The following KCNIP4 variants were observed in gnomAD, a reference collection of about 807,000 sequenced individuals.
The protein encoded by KCNIP4 is potassium voltage-gated channel interacting protein 4, also known as Kv channel-interacting protein 4.
In KCNIP4, 12 loss-of-function variants were observed where a neutral mutation model predicts 34.0. The ratio of observed to expected loss-of-function variants is 0.35; its 90% CI spans 0.23 to 0.57. KCNIP4 has a LOEUF of 0.57. Among genes scored for constraint, KCNIP4 ranks in the 20% least tolerant of loss-of-function variants. The probability of loss-of-function intolerance (pLI) is 0.83; values close to 1 mark genes in which losing one functional copy is unlikely to be tolerated. For synonymous variants in KCNIP4, 124 were observed against 102.2 expected, an observed-to-expected ratio of 1.21 and a Z score of -1.29; for missense variants, 238 against 311.7, an observed-to-expected ratio of 0.76 and a Z score of 1.78.
chr4:21,789,011 T>C (rs952599385), intron 1 of KCNIP4, among the ~76,000 whole-genome samples: 19 of 140,788 alleles, frequency 1.3e-4, no homozygotes, highest in African/African-American at 4.7e-4. Flanking sequence ...AGGCAGAGGC[T>C]GCAATGAGCT....
chr4:21,738,822 T>C (rs2109124762), intron 1 of KCNIP4, among the ~76,000 whole-genome samples: 1 of 152,290 alleles, frequency 6.6e-6, no homozygotes, highest in East Asian at 1.9e-4. Flanking sequence ...CTTATTTGAG[T>C]TATTATTCTG....
chr4:21,446,668 T>G (rs1728025229), intron 1 of KCNIP4, among the ~76,000 whole-genome samples: 1 of 150,958 alleles, frequency 6.6e-6, no homozygotes, highest in African/African-American at 2.4e-5. Context: ...GAGATGTACC[T>G]AATGTTAATG....
intron 4 of KCNIP4, among the ~76,000 whole-genome samples, chr4:20,757,997 A>T (rs1469390038): frequency 6.6e-6 from 1 of 152,124 alleles, no homozygotes; most frequent in Non-Finnish European, 1.5e-5. Context: ...TGAGTTTGAC[A>T]TTGTCCATCT....
intron 3 of KCNIP4, among the ~76,000 whole-genome samples, chr4:20,824,168 C>G (rs1400374022): frequency 2.0e-5 from 3 of 152,266 alleles, no homozygotes; most frequent in Non-Finnish European, 2.9e-5. Flanking sequence ...GCCTAAGTGT[C>G]TAGCACAAAG....
In KCNIP4 at chr4:21,058,233, C is replaced by T. The variant is rs1743597411; in HGVS notation, c.62-175524G>A. Among the ~76,000 whole-genome samples, 3 of 151,988 alleles carry T rather than the reference C, an allele frequency of 2.0e-5. No individual in the cohort carries two copies. In the South Asian group the frequency reaches 6.2e-4, roughly 32 times the overall value. ...CCAATGAGGAAATATACCTTGGGGG[C>T]ATATATGGTGAGTCCAAAGATTGGT... On this transcript the variant is annotated intron_variant, in intron 1 of 8. Transcript: ENST00000382152.
chr4:21,025,543 GTTTTTTTTT>G (rs772689134), intron 1 of KCNIP4, among the ~76,000 whole-genome samples: 19 of 34,784 alleles, frequency 5.5e-4, no homozygotes, highest in African/African-American at 1.6e-3. Flanking sequence ...CATTGATACT[GTTTTTTTTT>G]TTTTTTTTTT....
intron 1 of KCNIP4, among the ~76,000 whole-genome samples, chr4:21,225,628 C>T (rs1758321851): frequency 6.6e-6 from 1 of 152,124 alleles, no homozygotes; most frequent in South Asian, 2.1e-4. Flanking sequence ...AATGATGACA[C>T]TCCTCTTATA....
intron 1 of KCNIP4, among the ~76,000 whole-genome samples, chr4:21,367,637 A>G (rs1367722345): frequency 6.8e-6 from 1 of 147,582 alleles, no homozygotes; most frequent in Non-Finnish European, 1.5e-5. Flanking sequence ...ATTTCACCCA[A>G]CCCATGCAAC....
chr4:21,553,422 C>A (rs539051270), intron 1 of KCNIP4, among the ~76,000 whole-genome samples: 2 of 152,218 alleles, frequency 1.3e-5, no homozygotes, highest in South Asian at 4.1e-4. Context: ...AGGTCCACTT[C>A]TTTTTTCTAC....
Position 21,773,752 on chromosome 4 carries a change from T to TGTTTTG in KCNIP4, c.61+174818_61+174819insCAAAAC, listed in dbSNP as rs373135486. 6.9e-3 allele frequency among the ~76,000 whole-genome samples: 948 copies of TGTTTTG among 137,434 alleles called. 19 individuals carry two copies. Among genetic ancestry groups the TGTTTTG allele is most frequent in the African/African-American group, 0.03 (868 of 29,344 alleles). 90.2% of individuals were successfully genotyped at this position (137,434 alleles called of 152,430 possible). A position where few individuals can be genotyped will look rare whatever the true frequency, so the allele number is the denominator to read the frequency against. On this transcript the variant is annotated intron_variant, in intron 1 of 8. Coordinates refer to ENST00000382152, the MANE Select transcript of KCNIP4 (RefSeq NM_025221.6). The stretch of plus-strand genomic sequence containing the variant: ...CCCCTGTTTTTTTTTGTTGTTTTTT[T>TGTTTTG]TTTTTTGTTTGTTTGTTTTTGTTTT...
At chr4:21,724,586 C>G (rs1461207985) in intron 1 of KCNIP4, among the ~76,000 whole-genome samples, 1 of 150,260 alleles carries the variant, frequency 6.7e-6, no homozygotes, top group Non-Finnish European at 1.5e-5. Flanking sequence ...TTTTTTTAAC[C>G]TCTTCAGTAT....
At chr4:21,689,785 G>A (rs181555329) in intron 1 of KCNIP4, among the ~76,000 whole-genome samples, 119 of 152,148 alleles carry the variant, frequency 7.8e-4, no homozygotes, top group Middle Eastern at 3.4e-3. Context: ...GTACTTCTAT[G>A]CCCACCCTGG....
intron 1 of KCNIP4, among the ~76,000 whole-genome samples, chr4:21,767,435 G>C (rs1577961988): frequency 6.6e-6 from 1 of 151,922 alleles, no homozygotes; most frequent in Non-Finnish European, 1.5e-5. Flanking sequence ...CAAGGAGATG[G>C]GGTTAGGAAG....
intron 1 of KCNIP4, among the ~76,000 whole-genome samples, chr4:20,943,699 A>C (rs1731895610): frequency 6.6e-6 from 1 of 152,252 alleles, no homozygotes; most frequent in African/African-American, 2.4e-5. Context: ...TGTCTCTAAT[A>C]GTTTCCTCCA....
intron 1 of KCNIP4, among the ~76,000 whole-genome samples, chr4:21,515,862 T>C (rs1734715930): frequency 6.6e-6 from 1 of 152,166 alleles, no homozygotes; most frequent in South Asian, 2.1e-4. Context: ...TCCTTCAGCC[T>C]TGGACTTCCA....
At chr4:21,691,857 C>T (rs940653258) in intron 1 of KCNIP4, among the ~76,000 whole-genome samples, 10 of 151,972 alleles carry the variant, frequency 6.6e-5, no homozygotes, top group Admixed American at 2.0e-4. Flanking sequence ...CGCCACCATG[C>T]GCAGCTAACT....
intron 1 of KCNIP4, among the ~76,000 whole-genome samples, chr4:21,370,975 G>C (rs1720386460): frequency 1.5e-5 from 2 of 137,424 alleles, no homozygotes; most frequent in African/African-American, 6.5e-5. Context: ...AAATCTTTGA[G>C]CAGTGGAAGG....
At chr4:20,838,234 A>G (rs1344704772) in intron 3 of KCNIP4, among the ~76,000 whole-genome samples, 1 of 152,168 alleles carries the variant, frequency 6.6e-6, no homozygotes, top group African/African-American at 2.4e-5. Flanking sequence ...AAGGGTTCAT[A>G]AGACAGAGTC....
chr4:21,542,099 T>A (rs1210382729), intron 1 of KCNIP4, among the ~76,000 whole-genome samples: 2 of 152,196 alleles, frequency 1.3e-5, no homozygotes, highest in African/African-American at 2.4e-5. Context: ...TAAGAGAACA[T>A]GTAGTTTTAT....
Sources: gnomAD v4.1 joint callset for allele counts (sites outside exome capture counted in the v4.1 genomes callset) on GRCh38, gnomAD v4.1.1 for gene constraint, MANE v1.5 for transcripts, NCBI Gene and HGNC (gene_info 2026-07-23, HGNC 2026-07-21) for gene names.